Variants in UHRF1 observed in about 807,000 individuals in gnomAD.
The protein encoded by UHRF1 is ubiquitin like with PHD and ring finger domains 1.
UHRF1 carries 9 observed loss-of-function variants against 96.5 expected under a neutral mutation model. The ratio of observed to expected loss-of-function variants is 0.09; its 90% CI spans 0.06 to 0.16. The LOEUF (loss-of-function observed/expected upper bound fraction) is 0.16. Among genes scored for constraint, UHRF1 ranks in the 10% least tolerant of loss-of-function variants. The probability of loss-of-function intolerance (pLI) is 1.00; values close to 1 mark genes in which losing one functional copy is unlikely to be tolerated. For synonymous variants in UHRF1, 455 were observed against 469.9 expected, an observed-to-expected ratio of 0.97 and a Z score of 0.41; for missense variants, 626 against 1,131.1, an observed-to-expected ratio of 0.55 and a Z score of 6.40.
intron 16 of UHRF1, among the ~76,000 whole-genome samples, chr19:4,960,074 A>G (rs1461758901): frequency 6.6e-6 from 1 of 151,816 alleles, no homozygotes; most frequent in Non-Finnish European, 1.5e-5. Context: ...GCTGGTCTTG[A>G]ACTCCTGACC....
intron 1 of UHRF1, 142 bp from the exon 2 acceptor site, chr19:4,910,734 C>T (rs1357700373): frequency 1.6e-5 from 15 of 944,070 alleles, no homozygotes; most frequent in Non-Finnish European, 2.3e-5. Flanking sequence ...CAGGGTCTGG[C>T]TGTACAGGAG....
intron 2 of UHRF1, among the ~76,000 whole-genome samples, chr19:4,923,009 C>T (rs990253365): frequency 6.6e-6 from 1 of 152,244 alleles, no homozygotes; most frequent in African/African-American, 2.4e-5. Flanking sequence ...AGGGGATGGG[C>T]TGGGACTGCA....
chr19:4,951,840 C>T lies in UHRF1; in HGVS notation c.1818+844C>T, dbSNP rs113695347. 2.6e-5 allele frequency among the ~76,000 whole-genome samples: 4 copies of T among 152,196 alleles called. No homozygotes were observed. In the East Asian group the frequency reaches 7.8e-4, roughly 30 times the overall value. ...TGGGAACTGCCGAGAACTTACTCAA[C>T]AAGCGGCGCAGCATTTCAGCACCAG... On this transcript the variant is annotated intron_variant, in intron 13 of 16. Transcript: ENST00000650932.
intron 2 of UHRF1, among the ~76,000 whole-genome samples, chr19:4,916,102 G>A (rs538639509): frequency 6.6e-6 from 1 of 152,090 alleles, no homozygotes; most frequent in East Asian, 1.9e-4. Flanking sequence ...GAGGTTGGGA[G>A]TTTGAGACCA....
chr19:4,946,252 ACCT>A (rs1319491288), intron 10 of UHRF1, among the ~76,000 whole-genome samples: 1 of 146,912 alleles, frequency 6.8e-6, no homozygotes, highest in African/African-American at 2.5e-5. Context: ...GACTCTGGAG[ACCT>A]CCTGGGAGTG....
intron 11 of UHRF1, among the ~76,000 whole-genome samples, chr19:4,947,727 C>G (rs2033611652): frequency 6.6e-6 from 1 of 151,208 alleles, no homozygotes; most frequent in African/African-American, 2.4e-5. Flanking sequence ...TCTCGAACTC[C>G]TGACCTCAGG....
intron 5 of UHRF1, among the ~76,000 whole-genome samples, chr19:4,935,050 T>A (rs529163685): frequency 2.0e-5 from 3 of 152,116 alleles, no homozygotes; most frequent in Admixed American, 2.0e-4. Context: ...CTCTGCTTAC[T>A]GCAACCTCCA....
intron 4 of UHRF1, 24 bp from the exon 5 acceptor site, chr19:4,932,717 C>G: frequency 6.2e-7 from 1 of 1,612,116 alleles, no homozygotes; most frequent in Non-Finnish European, 8.5e-7. Context: ...AGCACGGGGT[C>G]TAAGGCCCGG....
chr19:4,929,765 G>A (rs1446725855), intron 3 of UHRF1, among the ~76,000 whole-genome samples: 1 of 152,120 alleles, frequency 6.6e-6, no homozygotes, highest in East Asian at 1.9e-4. Flanking sequence ...GTAAGATCAG[G>A]AAATGTCACA....
intron 9 of UHRF1, 29 bp downstream of exon 9, chr19:4,944,479 G>T (rs774951175): frequency 1.9e-5 from 31 of 1,610,366 alleles, no homozygotes; most frequent in Non-Finnish European, 2.5e-5. Context: ...GGCTCCAGGG[G>T]CCACGCGGGC....
chr19:4,941,564 G>A lies in UHRF1; in HGVS notation c.822G>A (p.Val274=), dbSNP rs1191681934. The A allele has an allele frequency of 1.2e-6, 2 of 1,613,722 alleles. No individual in the cohort carries two copies. Among genetic ancestry groups the A allele is most frequent in the East Asian group, 4.5e-5 (2 of 44,862 alleles). ...DSLNDCRIIF[V]DEVFKIERPG... The stretch of plus-strand genomic sequence containing the variant: ...TGAACGACTGTCGGATCATCTTCGT[G>A]GACGAAGTCTTCAAGATTGAGCGGC... Residue 274 remains valine, a synonymous_variant, in exon 6 of 17, where the codon GTG becomes GTA. Transcript: ENST00000650932.
intron 5 of UHRF1, among the ~76,000 whole-genome samples, chr19:4,936,233 G>A (rs1006495285): frequency 1.6e-4 from 24 of 152,144 alleles, no homozygotes; most frequent in African/African-American, 5.6e-4. Context: ...GTTGTGCCTC[G>A]CAATGAGTTT....
intron 15 of UHRF1, among the ~76,000 whole-genome samples, chr19:4,955,732 C>G (rs916877148): frequency 1.6e-4 from 24 of 151,892 alleles, no homozygotes; most frequent in Admixed American, 5.9e-4. Context: ...AGGTGTCTTT[C>G]GAGTCATCCG....
At chr19:4,909,729 C>T in intron 1 of UHRF1, 74 bp downstream of exon 1, 4 of 490,962 alleles carry the variant, frequency 8.1e-6, no homozygotes, top group Non-Finnish European at 1.4e-5. Context: ...CAAAACTTTC[C>T]CGCGCGGCCA....
chr19:4,928,286 G>A (rs773550899), intron 2 of UHRF1, among the ~76,000 whole-genome samples: 1 of 151,958 alleles, frequency 6.6e-6, no homozygotes, highest in Non-Finnish European at 1.5e-5. Flanking sequence ...CCGGGGGAGA[G>A]GAACTTGTTG....
At chr19:4,909,766 C>G (rs893890762) in intron 1 of UHRF1, 111 bp downstream of exon 1, 10 of 476,974 alleles carry the variant, frequency 2.1e-5, no homozygotes, top group African/African-American at 4.1e-5. Context: ...GTCCCGCACT[C>G]TGTCCCGGGA....
chr19:4,959,037 G>T (rs2033926985), intron 16 of UHRF1, among the ~76,000 whole-genome samples: 1 of 151,556 alleles, frequency 6.6e-6, no homozygotes, highest in Non-Finnish European at 1.5e-5. Flanking sequence ...GAGTGCAGTG[G>T]TGCCATCATA....
At position 4,919,968 on chromosome 19, in the gene UHRF1, C is replaced by A. The variant is rs577646561; in HGVS notation, c.153+8930C>A. 7.2e-5 allele frequency among the ~76,000 whole-genome samples: 11 copies of A among 152,138 alleles called. No individual in the cohort carries two copies. In the Middle Eastern group the frequency reaches 0.01, roughly 141 times the overall value. On this transcript the variant is annotated intron_variant, in intron 2 of 16. Transcript: ENST00000650932. ...GAGTAGCTGGGATTACAGGCACCCA[C>A]CACCACGCCTGGCTAATTTTGTATT... is the stretch of plus-strand genomic sequence containing the variant.
rs1055795501 is a variant in UHRF1, at chr19:4,934,168, C to T, written c.785+1212C>T. ...CCTCCCAAGTAGTTGGGATTACAGGCGCCCGCCACCACGTCTGGCTAATTT... is the reference window on the plus strand; with the variant it reads ...CCTCCCAAGTAGTTGGGATTACAGGTGCCCGCCACCACGTCTGGCTAATTT... On this transcript the variant is annotated intron_variant, in intron 5 of 16. Coordinates refer to ENST00000650932, the MANE Select transcript of UHRF1 (RefSeq NM_001048201.3). Among the ~76,000 whole-genome samples the T allele has an allele frequency of 9.9e-5, 15 of 151,692 alleles. No homozygotes were observed. The South Asian group carries it at 1.0e-3, about 11-fold the overall frequency.
Sources: gnomAD v4.1 joint callset for allele counts (sites outside exome capture counted in the v4.1 genomes callset) on GRCh38, gnomAD v4.1.1 for gene constraint, MANE v1.5 for transcripts, NCBI Gene and HGNC (gene_info 2026-07-23, HGNC 2026-07-21) for gene names.